Variants in PTPRD observed in about 807,000 individuals in gnomAD.
The protein encoded by PTPRD is protein tyrosine phosphatase receptor type D.
Under a neutral mutation model 214.5 loss-of-function variants are expected in PTPRD, and 34 were observed. The observed-to-expected ratio is 0.16, with a 90% CI of 0.12 to 0.21. The LOEUF (loss-of-function observed/expected upper bound fraction) is 0.21. PTPRD is among the 10% of genes least tolerant of loss of function. The probability of loss-of-function intolerance (pLI) is 1.00; values close to 1 mark genes in which losing one functional copy is unlikely to be tolerated. For missense variants in PTPRD, 2,545 were observed against 2,398.7 expected, an observed-to-expected ratio of 1.06 and a Z score of -1.27; for synonymous variants, 1,128 against 845.7, an observed-to-expected ratio of 1.33 and a Z score of -5.79.
chr9:9,593,094 A>T (rs1292306431), intron 7 of PTPRD, among the ~76,000 whole-genome samples: 5 of 151,076 alleles, frequency 3.3e-5, no homozygotes, highest in African/African-American at 1.2e-4. Context: ...GAGAGGAAGA[A>T]AGACAGAGAG....
chr9:8,954,651 A>G (rs1299516921), intron 11 of PTPRD, among the ~76,000 whole-genome samples: 1 of 151,842 alleles, frequency 6.6e-6, no homozygotes, highest in Admixed American at 6.6e-5. Context: ...AAGTAACAGG[A>G]TGACTTTCAA....
intron 11 of PTPRD, among the ~76,000 whole-genome samples, chr9:8,929,503 G>A (rs942100784): frequency 2.6e-5 from 4 of 151,750 alleles, no homozygotes; most frequent in African/African-American, 4.8e-5. Context: ...ATTGATTTGC[G>A]TATGTTGAAC....
chr9:9,479,372 CAT>C (rs1555458314), intron 8 of PTPRD, among the ~76,000 whole-genome samples: 9 of 143,132 alleles, frequency 6.3e-5, no homozygotes, highest in East Asian at 2.1e-4. Context: ...CACACACACA[CAT>C]ACACTCATTG....
intron 10 of PTPRD, among the ~76,000 whole-genome samples, chr9:9,094,148 A>G (rs2099780186): frequency 6.6e-6 from 1 of 152,182 alleles, no homozygotes; most frequent in South Asian, 2.1e-4. Context: ...CATTAATTAA[A>G]TGAATTGAAT....
At chr9:9,311,307 T>G (rs768798917) in intron 9 of PTPRD, among the ~76,000 whole-genome samples, 1 of 152,128 alleles carries the variant, frequency 6.6e-6, no homozygotes, top group South Asian at 2.1e-4. Flanking sequence ...CATTATATTA[T>G]GTTGTCATAT....
chr9:8,526,041 A>G (rs551564630), intron 17 of PTPRD, among the ~76,000 whole-genome samples: 1 of 152,100 alleles, frequency 6.6e-6, no homozygotes, highest in East Asian at 1.9e-4. Flanking sequence ...TCAGGTGGAA[A>G]GGGGAGTCAT....
At chr9:9,624,549 A>G (rs889254028) in intron 7 of PTPRD, among the ~76,000 whole-genome samples, 3 of 152,058 alleles carry the variant, frequency 2.0e-5, no homozygotes, top group African/African-American at 7.2e-5. Flanking sequence ...TGGCCTCCCA[A>G]GGTGCTAGGA....
intron 5 of PTPRD, among the ~76,000 whole-genome samples, chr9:9,916,489 T>C (rs1431957072): frequency 6.6e-6 from 1 of 151,946 alleles, no homozygotes; most frequent in Non-Finnish European, 1.5e-5. Context: ...TTAAAAGATA[T>C]AAATTGGTTG....
chr9:8,352,410 G>C (rs1457228390), intron 39 of PTPRD, among the ~76,000 whole-genome samples: 1 of 152,132 alleles, frequency 6.6e-6, no homozygotes, highest in Non-Finnish European at 1.5e-5. Context: ...CATTCACACA[G>C]AGATTTTCCT....
chr9:10,159,229 A>C (rs1232646372), intron 3 of PTPRD, among the ~76,000 whole-genome samples: 1 of 152,206 alleles, frequency 6.6e-6, no homozygotes, highest in African/African-American at 2.4e-5. Flanking sequence ...CAAAGAAAGA[A>C]AGAAAGAAAA....
rs1181331538 is a variant in PTPRD at position 9,194,217 on chromosome 9, T to C, written c.-202-10854A>G. Among the ~76,000 whole-genome samples, 5 of 152,142 alleles carry C rather than the reference T, an allele frequency of 3.3e-5. No individual in the cohort carries two copies. In the South Asian group the frequency reaches 8.3e-4, roughly 25 times the overall value. ...TAAAAGGCATAGAGCTGCCATCATC[T>C]ATGATAACAATGCCTTCATCTGGAA... is the stretch of plus-strand genomic sequence containing the variant. On this transcript the variant is annotated intron_variant, in intron 9 of 45. Transcript: ENST00000381196.
chr9:8,878,962 T>C (rs1009069566), intron 11 of PTPRD, among the ~76,000 whole-genome samples: 2 of 152,200 alleles, frequency 1.3e-5, no homozygotes, highest in Non-Finnish European at 2.9e-5. Context: ...CTACAGTTGG[T>C]TGCATTTCTG....
chr9:10,608,444 A>T (rs1188012023), intron 2 of PTPRD, among the ~76,000 whole-genome samples: 1 of 152,062 alleles, frequency 6.6e-6, no homozygotes, highest in African/African-American at 2.4e-5. Flanking sequence ...ACGTAACAAG[A>T]GTGTCCAGGC....
intron 10 of PTPRD, among the ~76,000 whole-genome samples, chr9:9,135,212 T>G (rs1159965372): frequency 6.6e-6 from 1 of 152,212 alleles, no homozygotes; most frequent in African/African-American, 2.4e-5. Context: ...CCACTCTGAT[T>G]GTATGCTTTC....
intron 4 of PTPRD, among the ~76,000 whole-genome samples, chr9:10,013,754 T>A (rs2096647093): frequency 6.6e-6 from 1 of 151,992 alleles, no homozygotes; most frequent in Non-Finnish European, 1.5e-5. Flanking sequence ...GCTGTTTCAA[T>A]GAAAGATATA....
chr9:9,382,357 C>G (rs1269205243), intron 9 of PTPRD, among the ~76,000 whole-genome samples: 2 of 151,926 alleles, frequency 1.3e-5, no homozygotes, highest in Non-Finnish European at 2.9e-5. Context: ...AGCTTATGCA[C>G]AGCAAAGAAA....
chr9:10,117,423 T>C (rs932612573), intron 3 of PTPRD, among the ~76,000 whole-genome samples: 19 of 152,038 alleles, frequency 1.2e-4, no homozygotes, highest in South Asian at 6.2e-4. Context: ...ACAAGAAAAA[T>C]TTATTCTGTC....
intron 11 of PTPRD, among the ~76,000 whole-genome samples, chr9:8,981,770 G>A (rs560492607): frequency 6.6e-6 from 1 of 151,818 alleles, no homozygotes; most frequent in East Asian, 1.9e-4. Context: ...TAATATAATT[G>A]CAAAATACTA....
chr9:9,763,525 A>T (rs1340167172), intron 6 of PTPRD, among the ~76,000 whole-genome samples: 2 of 152,340 alleles, frequency 1.3e-5, no homozygotes, highest in African/African-American at 4.8e-5. Flanking sequence ...ACATTTTATC[A>T]AAATTTATAA....
Sources: gnomAD v4.1 joint callset for allele counts (sites outside exome capture counted in the v4.1 genomes callset) on GRCh38, gnomAD v4.1.1 for gene constraint, MANE v1.5 for transcripts, NCBI Gene and HGNC (gene_info 2026-07-23, HGNC 2026-07-21) for gene names.